The following STYXL1 variants were observed in gnomAD, a reference collection of about 807,000 sequenced individuals.
The protein encoded by STYXL1 is serine/threonine/tyrosine interacting like 1.
Under a neutral mutation model 36.4 loss-of-function variants are expected in STYXL1, and 32 were observed. The ratio of observed to expected loss-of-function variants is 0.88; its 90% CI spans 0.66 to 1.18. STYXL1 has a LOEUF of 1.18. Ranked by LOEUF, STYXL1 falls within the 50% of genes most tolerant of loss-of-function variation. The pLI is 0.00. For synonymous variants in STYXL1, 133 were observed against 144.1 expected (o/e 0.92, Z 0.55); for missense variants, 354 against 394.1 (o/e 0.90, Z 0.86).
intron 1 of STYXL1, among the ~76,000 whole-genome samples, chr7:76,040,591 C>G (rs576531662): frequency 6.6e-6 from 1 of 152,180 alleles, no homozygotes; most frequent in Non-Finnish European, 1.5e-5. Flanking sequence ...GCAATCCCAG[C>G]GCTTTGGGAG....
intron 5 of STYXL1, among the ~76,000 whole-genome samples, chr7:76,010,019 T>C (rs1330878843): frequency 6.6e-6 from 1 of 152,140 alleles, no homozygotes; most frequent in Non-Finnish European, 1.5e-5. Flanking sequence ...TTTAAATATG[T>C]GCAGTTCATC....
At chr7:75,996,665 G>A in intron 8 of STYXL1, 66 bp from the exon 9 acceptor site, 2 of 1,548,856 alleles carry the variant, frequency 1.3e-6, no homozygotes, top group Non-Finnish European at 1.8e-6. Context: ...TTGGATCAGA[G>A]GCAGCTTTCA....
chr7:76,001,148 T>C, intron 7 of STYXL1, 146 bp from the exon 8 acceptor site: 1 of 651,420 alleles, frequency 1.5e-6, no homozygotes, highest in African/African-American at 1.8e-5. Flanking sequence ...CCATGATTTC[T>C]CTGGGAGCCC....
At chr7:76,010,253 G>C (rs1366113670) in intron 5 of STYXL1, among the ~76,000 whole-genome samples, 1 of 148,842 alleles carries the variant, frequency 6.7e-6, no homozygotes, top group Non-Finnish European at 1.5e-5. Flanking sequence ...TAGACTGATT[G>C]TCTTTACTTC....
At chr7:76,031,492 A>G (rs1795333624) in intron 1 of STYXL1, among the ~76,000 whole-genome samples, 1 of 151,992 alleles carries the variant, frequency 6.6e-6, no homozygotes, top group Admixed American at 6.6e-5. Flanking sequence ...AGGTAGGTGG[A>G]TCACCTGAGG....
rs1563456220 is a variant in STYXL1 at position 75,999,547 on chromosome 7, GTGTGTA to G, written c.810+1337_810+1342del. Among the ~76,000 whole-genome samples, 28 of 142,044 alleles carry G rather than the reference GTGTGTA, an allele frequency of 2.0e-4. No individual in the cohort carries two copies. The South Asian group carries it at 3.2e-3, about 16-fold the overall frequency. The allele number at this position is 142,044 out of a possible 152,430, so 93.2% of individuals were successfully genotyped here. On this transcript the variant is annotated intron_variant, in intron 8 of 8. Coordinates refer to ENST00000359697, the MANE Select transcript of STYXL1 (RefSeq NM_001317785.2). ...TGTGTGTGTGTGTGTGTGTGTGTGT[GTGTGTA>G]TATTTTTTTTTGAGACAGAGTTTCG...
chr7:76,005,696 A>G (rs562302886), intron 5 of STYXL1, among the ~76,000 whole-genome samples: 1 of 152,264 alleles, frequency 6.6e-6, no homozygotes, highest in African/African-American at 2.4e-5. Flanking sequence ...CAAAGGTTGC[A>G]GTGAGGACGC....
chr7:76,038,839 T>C (rs1315695714), intron 1 of STYXL1, among the ~76,000 whole-genome samples: 1 of 149,310 alleles, frequency 6.7e-6, no homozygotes, highest in African/African-American at 2.6e-5. Flanking sequence ...CAGGCTGGAG[T>C]GCAGTGGCGC....
At chr7:76,035,722 G>C (rs1554580565) in intron 1 of STYXL1, among the ~76,000 whole-genome samples, 1 of 149,692 alleles carries the variant, frequency 6.7e-6, no homozygotes, top group African/African-American at 2.4e-5. Context: ...AAAACTAAAA[G>C]CTGGCTCCTA....
chr7:76,019,008 T>C (rs562774007), intron 4 of STYXL1, among the ~76,000 whole-genome samples: 150 of 152,348 alleles, frequency 9.8e-4, no homozygotes, highest in African/African-American at 3.3e-3. Flanking sequence ...TCTTTGATTA[T>C]TACCATCCCA....
intron 8 of STYXL1, among the ~76,000 whole-genome samples, chr7:75,999,519 G>A (rs6979690): frequency 0.3 from 10,437 of 35,104 alleles, 516 homozygotes; most frequent in Non-Finnish European, 0.39. Flanking sequence ...GTATGTGTGT[G>A]TGTGTGTGTG....
At chr7:76,017,636 A>T (rs1793536385) in intron 4 of STYXL1, among the ~76,000 whole-genome samples, 1 of 151,786 alleles carries the variant, frequency 6.6e-6, no homozygotes, top group Non-Finnish European at 1.5e-5. Context: ...CTGTAATCCC[A>T]ATACTTTGGG....
At chr7:76,036,518 T>C (rs1285572398) in intron 1 of STYXL1, among the ~76,000 whole-genome samples, 2 of 150,250 alleles carry the variant, frequency 1.3e-5, no homozygotes, top group African/African-American at 4.9e-5. Context: ...CAAAAGTATT[T>C]TCCTTTGTGA....
intron 4 of STYXL1, among the ~76,000 whole-genome samples, chr7:76,019,282 CTT>C (rs112308010): frequency 2.5e-4 from 34 of 136,486 alleles, no homozygotes; most frequent in Admixed American, 3.0e-4. Flanking sequence ...CTGTTTTTTT[CTT>C]TTTTTTTTTT....
Position 76,021,923 on chromosome 7 carries a change from TATC to T in STYXL1, c.232_234del (p.Asp78del), listed in dbSNP as rs1794125333. 1.4e-5 allele frequency: 22 copies of T among 1,613,690 alleles called. No individual in the cohort carries two copies. The highest frequency in any genetic ancestry group is 1.9e-5 in the Non-Finnish European group (22 of 1,180,022). On this transcript the variant is annotated inframe_deletion, in exon 4 of 9. Coordinates refer to ENST00000359697, the MANE Select transcript of STYXL1 (RefSeq NM_001317785.2). ...AGTATCTCCAGGGTGCTGCTGTTGT[TATC>T]ATACACCACGCAGTACTTCACACAC...
intron 1 of STYXL1, among the ~76,000 whole-genome samples, chr7:76,038,368 G>A (rs1554581216): frequency 2.0e-5 from 3 of 148,488 alleles, no homozygotes; most frequent in South Asian, 4.4e-4. Flanking sequence ...CTCCCTACTC[G>A]TTATGTGACT....
Position 76,047,878 on chromosome 7 carries a change from G to A in STYXL1, c.-221C>T, listed in dbSNP as rs1356235843. On this transcript the variant is annotated 5_prime_UTR_variant, in exon 1 of 9. Coordinates refer to ENST00000359697, the MANE Select transcript of STYXL1 (RefSeq NM_001317785.2). The stretch of plus-strand genomic sequence containing the variant: ...CGTCCTCTTCCACCTCTTGGGTGCA[G>A]ACTGGCCCTCCCACTCCGACCGCAG... The A allele has an allele frequency of 1.5e-6, 2 of 1,379,020 alleles. No homozygotes were observed. The highest frequency in any genetic ancestry group is 1.9e-6 in the Non-Finnish European group (2 of 1,060,972). 85.4% of individuals were successfully genotyped at this position (1,379,020 alleles called of 1,614,324 possible).
intron 5 of STYXL1, among the ~76,000 whole-genome samples, chr7:76,009,883 G>A (rs1792342955): frequency 6.6e-6 from 1 of 152,080 alleles, no homozygotes; most frequent in South Asian, 2.1e-4. Context: ...CTGCAAACAA[G>A]TAACCCAATC....
intron 1 of STYXL1, among the ~76,000 whole-genome samples, chr7:76,042,146 T>C (rs1338998129): frequency 6.6e-6 from 1 of 152,210 alleles, no homozygotes; most frequent in African/African-American, 2.4e-5. Flanking sequence ...TAGAAAACTA[T>C]GTGGACTTGG....
Sources: gnomAD v4.1 joint callset for allele counts (sites outside exome capture counted in the v4.1 genomes callset) on GRCh38, gnomAD v4.1.1 for gene constraint, MANE v1.5 for transcripts, NCBI Gene and HGNC (gene_info 2026-07-23, HGNC 2026-07-21) for gene names.